ZFPM2: variants seen among roughly 807,000 people sequenced by gnomAD.
The protein encoded by ZFPM2 is zinc finger protein ZFPM2.
Under a neutral mutation model 98.6 loss-of-function variants are expected in ZFPM2, and 20 were observed. The observed-to-expected ratio is 0.20, with a 90% confidence interval of 0.14 to 0.29. The LOEUF (loss-of-function observed/expected upper bound fraction) is 0.29, where lower values mean the gene tolerates loss of function less well. ZFPM2 is among the 10% of genes least tolerant of loss of function. The probability of loss-of-function intolerance (pLI) is 1.00; values close to 1 mark genes in which losing one functional copy is unlikely to be tolerated. For missense variants in ZFPM2, 1,310 were observed against 1,388.6 expected, an observed-to-expected ratio of 0.94 and a Z score of 0.90; for synonymous variants, 518 against 502.7, an observed-to-expected ratio of 1.03 and a Z score of -0.41.
At position 105,578,905 on chromosome 8, in the gene ZFPM2, T is replaced by C. The variant is rs186497778; in HGVS notation, c.420+17424T>C. 4.0e-4 allele frequency among the ~76,000 whole-genome samples: 61 copies of C among 152,252 alleles called. 1 individual carries two copies. In the East Asian group the frequency reaches 9.3e-3, roughly 23 times the overall value. On this transcript the variant is annotated intron_variant, in intron 4 of 7. Coordinates refer to ENST00000407775, the MANE Select transcript of ZFPM2 (RefSeq NM_012082.4). ...CATAATTACATTTTTATAGTTTCCA[T>C]TGATATTTACAATGCTCATTATGGC... is the stretch of plus-strand genomic sequence containing the variant.
chr8:105,320,523 G>A (rs936561654), intron 1 of ZFPM2, among the ~76,000 whole-genome samples: 1 of 152,090 alleles, frequency 6.6e-6, no homozygotes, highest in Non-Finnish European at 1.5e-5. Context: ...CAATTGATCA[G>A]ATTCCTCTGT....
chr8:105,322,912 C>T (rs571914930), intron 1 of ZFPM2, among the ~76,000 whole-genome samples: 77 of 151,960 alleles, frequency 5.1e-4, no homozygotes, highest in African/African-American at 1.7e-3. Context: ...TCCTAACTTG[C>T]GCATTGGCAT....
At chr8:105,606,933 G>A (rs1304035399) in intron 4 of ZFPM2, among the ~76,000 whole-genome samples, 1 of 152,088 alleles carries the variant, frequency 6.6e-6, no homozygotes, top group East Asian at 1.9e-4. Context: ...AAAATAATAA[G>A]TTTGTCTTCA....
At chr8:105,531,873 G>A (rs573807990) in intron 3 of ZFPM2, among the ~76,000 whole-genome samples, 6 of 151,966 alleles carry the variant, frequency 3.9e-5, no homozygotes, top group Non-Finnish European at 8.8e-5. Flanking sequence ...TTAAAAATCC[G>A]AATCAATTAC....
chr8:105,589,192 GA>G (rs1252953075), intron 4 of ZFPM2, among the ~76,000 whole-genome samples: 13 of 152,294 alleles, frequency 8.5e-5, no homozygotes, highest in Non-Finnish European at 1.2e-4. Flanking sequence ...ATCGGTGTCA[GA>G]ATTTTTTGTG....
At chr8:105,340,926 A>C (rs1254178434) in intron 1 of ZFPM2, among the ~76,000 whole-genome samples, 1 of 151,946 alleles carries the variant, frequency 6.6e-6, no homozygotes, top group Non-Finnish European at 1.5e-5. Flanking sequence ...TTAGACACAA[A>C]TTTCCTAGAC....
chr8:105,760,351 A>G (rs1812707295), intron 5 of ZFPM2, among the ~76,000 whole-genome samples: 1 of 152,116 alleles, frequency 6.6e-6, no homozygotes, highest in African/African-American at 2.4e-5. Flanking sequence ...AAAGAATGCA[A>G]AGCTGCATGG....
chr8:105,458,347 A>C (rs1308097384), intron 3 of ZFPM2, among the ~76,000 whole-genome samples: 1 of 152,100 alleles, frequency 6.6e-6, no homozygotes, highest in Non-Finnish European at 1.5e-5. Flanking sequence ...TTTTGTTTTC[A>C]TGGCAGAGAA....
intron 5 of ZFPM2, among the ~76,000 whole-genome samples, chr8:105,712,099 G>T (rs780492497): frequency 1.3e-5 from 2 of 152,000 alleles, no homozygotes; most frequent in African/African-American, 4.8e-5. Flanking sequence ...GTGCAGGATT[G>T]TTAACTGGGG....
chr8:105,364,486 A>G (rs1743219719), intron 1 of ZFPM2, among the ~76,000 whole-genome samples: 1 of 152,086 alleles, frequency 6.6e-6, no homozygotes, highest in African/African-American at 2.4e-5. Context: ...ACAAATTAGT[A>G]AAGATCTTAT....
intron 5 of ZFPM2, among the ~76,000 whole-genome samples, chr8:105,659,625 G>T (rs936038301): frequency 2.0e-5 from 3 of 152,292 alleles, no homozygotes; most frequent in Admixed American, 6.5e-5. Flanking sequence ...ACAGATATTT[G>T]TATGGAGTTA....
chr8:105,556,837 C>T (rs529334930), intron 3 of ZFPM2, among the ~76,000 whole-genome samples: 1 of 152,024 alleles, frequency 6.6e-6, no homozygotes, highest in Non-Finnish European at 1.5e-5. Flanking sequence ...GTTATCCTGC[C>T]TCAGCCTCCC....
chr8:105,512,084 G>T (rs1438131208), intron 3 of ZFPM2, among the ~76,000 whole-genome samples: 1 of 152,182 alleles, frequency 6.6e-6, no homozygotes, highest in Non-Finnish European at 1.5e-5. Flanking sequence ...GGCGGAGGCT[G>T]CAGTGAGCTG....
chr8:105,522,549 A>C (rs1814086443), intron 3 of ZFPM2, among the ~76,000 whole-genome samples: 1 of 152,126 alleles, frequency 6.6e-6, no homozygotes, highest in Non-Finnish European at 1.5e-5. Context: ...AGGTGGGCAG[A>C]TCATGAGGTC....
At position 105,419,282 on chromosome 8, in the gene ZFPM2, T is replaced by C. The variant is rs1240428862; in HGVS notation, c.179T>C (p.Val60Ala). The C allele has an allele frequency of 4.3e-6, 7 of 1,613,276 alleles. No homozygotes were observed. The highest frequency in any genetic ancestry group is 5.9e-6 in the Non-Finnish European group (7 of 1,179,606). ...FGPENLSCEE[V>A]EYFCNKGDDE... ...CCTGAAAATCTGAGCTGCGAAGAAG[T>C]GGAATACTTTTGTAACAAAGGTAAT... is the stretch of plus-strand genomic sequence containing the variant. Residue 60 changes from valine to alanine, a missense_variant, in exon 2 of 8, where the codon GTG (valine) becomes GCG (alanine). By Grantham distance (64) the Val-to-Ala change is moderately conservative. Transcript: ENST00000407775.
intron 3 of ZFPM2, among the ~76,000 whole-genome samples, chr8:105,466,828 T>C (rs2130328057): frequency 6.6e-6 from 1 of 152,162 alleles, no homozygotes; most frequent in South Asian, 2.1e-4. Context: ...AGGCATCTCA[T>C]GGCTATTGAT....
chr8:105,543,791 G>A (rs1012073719), intron 3 of ZFPM2, among the ~76,000 whole-genome samples: 1 of 151,898 alleles, frequency 6.6e-6, no homozygotes, highest in Non-Finnish European at 1.5e-5. Flanking sequence ...TTTTATTCCA[G>A]GCGTAATACT....
intron 4 of ZFPM2, among the ~76,000 whole-genome samples, chr8:105,561,904 G>A (rs1158020794): frequency 6.6e-6 from 1 of 152,140 alleles, no homozygotes; most frequent in African/African-American, 2.4e-5. Context: ...GCAGGGATGA[G>A]TGGTCAGCAT....
At chr8:105,725,897 T>C (rs1811797930) in intron 5 of ZFPM2, among the ~76,000 whole-genome samples, 1 of 151,840 alleles carries the variant, frequency 6.6e-6, no homozygotes, top group Admixed American at 6.6e-5. Context: ...GGGTCTATGA[T>C]TCAACCCAGT....
Sources: gnomAD v4.1 joint callset for allele counts (sites outside exome capture counted in the v4.1 genomes callset) on GRCh38, gnomAD v4.1.1 for gene constraint, MANE v1.5 for transcripts, NCBI Gene and HGNC (gene_info 2026-07-23, HGNC 2026-07-21) for gene names.